CALCR: variants seen among roughly 807,000 people sequenced by gnomAD.
The protein encoded by CALCR is calcitonin receptor.
Under a neutral mutation model 59.5 loss-of-function variants are expected in CALCR, and 47 were observed. The ratio of observed to expected loss-of-function variants is 0.79; its 90% CI spans 0.63 to 1.01. CALCR has a LOEUF of 1.01. Among genes scored for constraint, CALCR ranks in the 50% least tolerant of loss-of-function variants. The pLI is 0.00. For synonymous variants in CALCR, 213 were observed against 211.3 expected, an observed-to-expected ratio of 1.01 and a Z score of -0.07; for missense variants, 566 against 597.1, an observed-to-expected ratio of 0.95 and a Z score of 0.54.
chr7:93,486,119 C>T (rs888955403), intron 3 of CALCR, among the ~76,000 whole-genome samples: 2 of 151,544 alleles, frequency 1.3e-5, no homozygotes, highest in African/African-American at 4.8e-5. Flanking sequence ...ATTGAGTGAT[C>T]TTTGCTGCCA....
At chr7:93,559,600 A>G (rs1415691776) in intron 2 of CALCR, 3 of 149,964 alleles carry the variant, frequency 2.0e-5, no homozygotes, top group African/African-American at 7.3e-5. Flanking sequence ...CTGGCAAGAT[A>G]CTCAGGTACT....
chr7:93,513,419 C>G (rs1801589783), intron 2 of CALCR, among the ~76,000 whole-genome samples: 1 of 152,260 alleles, frequency 6.6e-6, no homozygotes. Context: ...TGCTTTCTCA[C>G]AGAATAGCTG....
chr7:93,484,291 A>G (rs369878216), intron 3 of CALCR, among the ~76,000 whole-genome samples: 1 of 151,800 alleles, frequency 6.6e-6, no homozygotes, highest in African/African-American at 2.4e-5. Flanking sequence ...GGTTACAGGC[A>G]GTTTCTAGAA....
chr7:93,503,428 A>G (rs1013065883), intron 2 of CALCR, among the ~76,000 whole-genome samples: 33 of 150,410 alleles, frequency 2.2e-4, no homozygotes, highest in African/African-American at 7.7e-4. Context: ...ACACACACAT[A>G]CACATACACA....
intron 2 of CALCR, among the ~76,000 whole-genome samples, chr7:93,515,924 T>A (rs1801641145): frequency 2.0e-5 from 3 of 152,038 alleles, no homozygotes; most frequent in Admixed American, 6.6e-5. Flanking sequence ...TAAAAATCTA[T>A]GTATAAATGG....
chr7:93,443,769 A>G lies in CALCR; in HGVS notation c.649-12T>C. The G allele has an allele frequency of 6.2e-7, 1 of 1,610,936 alleles. No homozygotes were observed. The highest frequency in any genetic ancestry group is 8.5e-7 in the Non-Finnish European group (1 of 1,177,788). On this transcript the variant is annotated splice_polypyrimidine_tract_variant and intron_variant, in intron 8 of 13. Transcript: ENST00000426151. Reference sequence around the variant, plus strand: ...ATCTTGCAGCTCACCTGTCAGAAAGAAAGGAAGATACTCAGAGAAAGACAC... The same window carrying G: ...ATCTTGCAGCTCACCTGTCAGAAAGGAAGGAAGATACTCAGAGAAAGACAC...
intron 2 of CALCR, among the ~76,000 whole-genome samples, chr7:93,528,310 G>A (rs1788731503): frequency 1.3e-5 from 2 of 152,096 alleles, no homozygotes; most frequent in South Asian, 2.1e-4. Context: ...TAAATTCTAG[G>A]GTACATGTGC....
At chr7:93,440,252 A>G (rs182676008) in intron 9 of CALCR, among the ~76,000 whole-genome samples, 1 of 152,156 alleles carries the variant, frequency 6.6e-6, no homozygotes, top group African/African-American at 2.4e-5. Context: ...AGAACCTATC[A>G]TACTGTCTTC....
At chr7:93,556,736 C>T (rs1200329234) in intron 2 of CALCR, among the ~76,000 whole-genome samples, 1 of 151,916 alleles carries the variant, frequency 6.6e-6, no homozygotes, top group African/African-American at 2.4e-5. Flanking sequence ...CATGTCAGTA[C>T]ATATAGATCT....
At chr7:93,464,747 G>A (rs536802482) in intron 7 of CALCR, among the ~76,000 whole-genome samples, 12 of 151,994 alleles carry the variant, frequency 7.9e-5, no homozygotes, top group African/African-American at 2.9e-4. Flanking sequence ...CCTGCCAGTG[G>A]TGAGTTGGAA....
intron 7 of CALCR, chr7:93,462,192 G>A (rs1165906339): frequency 1.4e-5 from 10 of 701,080 alleles, no homozygotes; most frequent in Middle Eastern, 3.2e-4. Context: ...TCAACTTTTC[G>A]GGAAGCGATT....
chr7:93,495,346 C>T (rs1245928975), intron 2 of CALCR, among the ~76,000 whole-genome samples: 5 of 151,338 alleles, frequency 3.3e-5, no homozygotes, highest in Non-Finnish European at 3.0e-5. Context: ...ATTTTGTTCA[C>T]TCTTGCAACC....
intron 6 of CALCR, among the ~76,000 whole-genome samples, chr7:93,471,830 T>C (rs1554399261): frequency 6.6e-6 from 1 of 151,798 alleles, no homozygotes; most frequent in Non-Finnish European, 1.5e-5. Flanking sequence ...TAACATACAG[T>C]AAAATGCAAG....
intron 2 of CALCR, among the ~76,000 whole-genome samples, chr7:93,532,348 A>T (rs1788861319): frequency 6.6e-6 from 1 of 152,070 alleles, no homozygotes; most frequent in Non-Finnish European, 1.5e-5. Context: ...CTAGTTATTC[A>T]GTCTTTTCTA....
intron 3 of CALCR, among the ~76,000 whole-genome samples, chr7:93,482,004 A>G (rs1320202439): frequency 6.6e-6 from 1 of 151,906 alleles, no homozygotes; most frequent in Non-Finnish European, 1.5e-5. Flanking sequence ...TAGAGCTTAC[A>G]GTCTGGCAAG....
intron 8 of CALCR, among the ~76,000 whole-genome samples, chr7:93,450,350 A>G (rs1043878452): frequency 6.6e-6 from 1 of 151,978 alleles, no homozygotes; most frequent in East Asian, 1.9e-4. Flanking sequence ...CTGTTAGATC[A>G]TCTTTTCATT....
intron 2 of CALCR, among the ~76,000 whole-genome samples, chr7:93,564,356 C>G (rs1424373643): frequency 6.6e-6 from 1 of 151,946 alleles, no homozygotes; most frequent in East Asian, 1.9e-4. Context: ...GGATATTAAG[C>G]TTTTAACATG....
chr7:93,554,916 A>T (rs1311621430), intron 2 of CALCR, among the ~76,000 whole-genome samples: 1 of 151,726 alleles, frequency 6.6e-6, no homozygotes, highest in Non-Finnish European at 1.5e-5. Flanking sequence ...GAGAGCTAGG[A>T]TCATCCCTAT....
intron 2 of CALCR, among the ~76,000 whole-genome samples, chr7:93,536,811 G>A (rs1429838817): frequency 6.6e-6 from 1 of 151,450 alleles, no homozygotes; most frequent in East Asian, 1.9e-4. Flanking sequence ...AGAAATTAGT[G>A]GTGGAACTTA....
Sources: allele counts gnomAD v4.1 joint callset (sites outside exome capture counted in the v4.1 genomes callset), GRCh38; gene constraint gnomAD v4.1.1; transcripts MANE v1.5; gene names NCBI Gene and HGNC (gene_info 2026-07-23, HGNC 2026-07-21).